Variants in IQCK observed in about 807,000 individuals in gnomAD.
IQCK encodes IQ domain-containing protein K.
In IQCK, 29 loss-of-function variants were observed where a neutral mutation model predicts 28.1. The observed-to-expected ratio is 1.03, with a 90% CI of 0.77 to 1.41. The LOEUF (loss-of-function observed/expected upper bound fraction) is 1.41, where lower values mean the gene tolerates loss of function less well. Ranked by LOEUF, IQCK falls within the 40% of genes most tolerant of loss-of-function variation. IQCK has a pLI of 0.00. For synonymous variants in IQCK, 113 were observed against 115.1 expected (o/e 0.98, Z 0.12); for missense variants, 359 against 314.7 (o/e 1.14, Z -1.07).
rs543318988 is a variant in IQCK at position 19,799,252 on chromosome 16, A to G, written c.690+10330A>G. 2.3e-3 allele frequency among the ~76,000 whole-genome samples: 236 copies of G among 101,722 alleles called. 19 individuals are homozygous for G. Among genetic ancestry groups the G allele is most frequent in the South Asian group, 3.2e-3 (11 of 3,390 alleles). The allele number at this position is 101,722 out of a possible 152,430, so 66.7% of individuals were successfully genotyped here. A position where few individuals can be genotyped will look rare whatever the true frequency, so the allele number is the denominator to read the frequency against. ...TCACAAATTTTAATTCTTCTATGGT[A>G]TATATATATATTTTTTTTATTTTTT... On this transcript the variant is annotated intron_variant, in intron 7 of 7. Coordinates refer to ENST00000564186, the Ensembl canonical transcript of IQCK.
At chr16:19,756,087 G>T (rs1597524189) in intron 4 of IQCK, among the ~76,000 whole-genome samples, 1 of 152,212 alleles carries the variant, frequency 6.6e-6, no homozygotes, top group African/African-American at 2.4e-5. Flanking sequence ...GGGGGGCTGA[G>T]GCAGGAGGAT....
intron 4 of IQCK, among the ~76,000 whole-genome samples, chr16:19,741,368 A>G (rs751760405): frequency 3.3e-5 from 5 of 152,214 alleles, no homozygotes; most frequent in Non-Finnish European, 7.4e-5. Flanking sequence ...CTAAAAGGGC[A>G]GTAATTAAGA....
chr16:19,752,610 C>G (rs2055001394), intron 4 of IQCK, among the ~76,000 whole-genome samples: 2 of 152,068 alleles, frequency 1.3e-5, no homozygotes, highest in Non-Finnish European at 2.9e-5. Flanking sequence ...ACTCTGCTGC[C>G]CAGGCTGGAG....
At chr16:19,724,376 G>C (rs1410022290) in intron 1 of IQCK, among the ~76,000 whole-genome samples, 1 of 152,028 alleles carries the variant, frequency 6.6e-6, no homozygotes, top group Non-Finnish European at 1.5e-5. Flanking sequence ...CCTCTGCCCT[G>C]TTCATGTGGC....
rs552787482 is a variant in IQCK, at chr16:19,723,513, G to A, written c.181+5026G>A. Among the ~76,000 whole-genome samples the A allele has an allele frequency of 3.3e-5, 5 of 152,254 alleles. No individual in the cohort carries two copies. The East Asian group carries it at 9.7e-4, about 29-fold the overall frequency. On this transcript the variant is annotated intron_variant, in intron 1 of 7. Transcript: ENST00000564186. ...GGAAATTGAGGCTTAGAAAGGTTAG[G>A]AAACTTGCCCAAAGTAAGCGGCAGG...
intron 1 of IQCK, among the ~76,000 whole-genome samples, chr16:19,720,881 G>C (rs1977471783): frequency 6.6e-6 from 1 of 152,106 alleles, no homozygotes; most frequent in Non-Finnish European, 1.5e-5. Flanking sequence ...AGTCAGGCTT[G>C]GTGGTGGGTA....
intron 9 of IQCK, among the ~76,000 whole-genome samples, chr16:19,838,162 C>T (rs1332793060): frequency 3.3e-5 from 5 of 152,200 alleles, no homozygotes; most frequent in African/African-American, 9.7e-5. Context: ...GTTTTGGTGG[C>T]TGTTGCCGGG....
chr16:19,774,124 G>A (rs2055355431), intron 6 of IQCK, among the ~76,000 whole-genome samples: 1 of 152,170 alleles, frequency 6.6e-6, no homozygotes, highest in Admixed American at 6.5e-5. Context: ...AGTCAAAGAA[G>A]TGACAGTGTA....
At chr16:19,851,099 G>A (rs184564883) in intron 9 of IQCK, among the ~76,000 whole-genome samples, 1 of 152,312 alleles carries the variant, frequency 6.6e-6, no homozygotes, top group East Asian at 1.9e-4. Flanking sequence ...TGAGCACTTT[G>A]CATTTTGCAC....
At chr16:19,770,892 G>T (rs750082077) in intron 6 of IQCK, among the ~76,000 whole-genome samples, 2 of 152,068 alleles carry the variant, frequency 1.3e-5, no homozygotes, top group African/African-American at 2.4e-5. Context: ...TAAAGTGTTG[G>T]GATTACAGGC....
chr16:19,856,869 A>C, exon 10 of IQCK: 1 of 252,234 alleles, frequency 4.0e-6, no homozygotes, highest in Non-Finnish European at 7.5e-6. Flanking sequence ...AGGAATACAG[A>C]AGTGCTCTTA....
intron 3 of IQCK, 35 bp downstream of exon 3, chr16:19,733,862 G>A (rs771116690): frequency 6.2e-6 from 10 of 1,612,288 alleles, no homozygotes; most frequent in Non-Finnish European, 6.8e-6. Context: ...TATAATTTGG[G>A]GCTTTTAACA....
chr16:19,737,574 G>A (rs1455656422), intron 4 of IQCK, among the ~76,000 whole-genome samples: 2 of 152,146 alleles, frequency 1.3e-5, no homozygotes, highest in Non-Finnish European at 2.9e-5. Context: ...TGGGTAGCAC[G>A]CTTAGGAAGG....
chr16:19,838,652 A>C (rs1467583319), intron 9 of IQCK, among the ~76,000 whole-genome samples: 1 of 152,198 alleles, frequency 6.6e-6, no homozygotes, highest in Non-Finnish European at 1.5e-5. Context: ...GCTCTGATTT[A>C]GAGTGCCAAC....
chr16:19,807,042 G>T (rs1002396333), intron 7 of IQCK, among the ~76,000 whole-genome samples: 1 of 152,226 alleles, frequency 6.6e-6, no homozygotes, highest in Non-Finnish European at 1.5e-5. Context: ...CCACATCCAA[G>T]ATTAGGTTAT....
intron 4 of IQCK, among the ~76,000 whole-genome samples, chr16:19,752,060 G>C (rs941006330): frequency 6.6e-6 from 1 of 152,110 alleles, no homozygotes; most frequent in Admixed American, 6.6e-5. Flanking sequence ...CTGCTCTACC[G>C]TGACCTGCAT....
chr16:19,852,686 G>T (rs569113338), intron 9 of IQCK, among the ~76,000 whole-genome samples: 1 of 146,974 alleles, frequency 6.8e-6, no homozygotes, highest in South Asian at 2.2e-4. Flanking sequence ...GCAGTGACGC[G>T]ATCTTGGCTT....
At chr16:19,843,142 C>T (rs563271606) in intron 9 of IQCK, among the ~76,000 whole-genome samples, 5 of 152,272 alleles carry the variant, frequency 3.3e-5, no homozygotes, top group Non-Finnish European at 7.3e-5. Flanking sequence ...GTGATTCTGT[C>T]TCACCGCCTA....
At chr16:19,777,789 G>A (rs1174763482) in intron 6 of IQCK, among the ~76,000 whole-genome samples, 1 of 152,132 alleles carries the variant, frequency 6.6e-6, no homozygotes, top group Non-Finnish European at 1.5e-5. Flanking sequence ...GGTGGCTCAC[G>A]CCTGTAATCC....
Sources: gnomAD v4.1 joint callset for allele counts (sites outside exome capture counted in the v4.1 genomes callset) on GRCh38, gnomAD v4.1.1 for gene constraint, MANE v1.5 for transcripts, NCBI Gene and HGNC (gene_info 2026-07-23, HGNC 2026-07-21) for gene names.